The following DDX6 variants were observed in gnomAD, a reference collection of about 807,000 sequenced individuals.
DDX6 encodes the protein probable ATP-dependent RNA helicase DDX6.
In DDX6, 7 loss-of-function variants were observed where a neutral mutation model predicts 60.6. The observed-to-expected ratio is 0.12, with a 90% CI of 0.07 to 0.22. DDX6 has a LOEUF of 0.22. Among genes scored for constraint, DDX6 ranks in the 10% least tolerant of loss-of-function variants. DDX6 has a pLI of 1.00. For missense variants in DDX6, 270 were observed against 589.9 expected (o/e 0.46, Z 5.62); for synonymous variants, 207 against 201.0 (o/e 1.03, Z -0.25).
chr11:118,756,366 C>G, intron 10 of DDX6, 43 bp from the exon 11 acceptor site: 10 of 1,464,722 alleles, frequency 6.8e-6, no homozygotes, highest in Non-Finnish European at 9.6e-6. Flanking sequence ...CACTCATATA[C>G]AGCCCCAAAT....
upstream of DDX6, chr11:118,791,260 A>G (rs1487895184): frequency 6.6e-6 from 1 of 151,934 alleles, no homozygotes; most frequent in African/African-American, 2.4e-5. Flanking sequence ...CCTCCACTCA[A>G]GATGGCGAAA....
intron 4 of DDX6, among the ~76,000 whole-genome samples, chr11:118,769,711 A>AT (rs1241104844): frequency 0.025 from 3,652 of 148,766 alleles, 137 homozygotes; most frequent in African/African-American, 0.083. Flanking sequence ...ATTATGTGGA[A>AT]TTTTTTTTTT....
chr11:118,790,169 GGAGA>G (rs1218265356), intron 1 of DDX6: 1 of 152,128 alleles, frequency 6.6e-6, no homozygotes, highest in East Asian at 1.9e-4. Flanking sequence ...GGAAGAGAAA[GGAGA>G]GAGATACGGG....
intron 11 of DDX6, 103 bp downstream of exon 11, chr11:118,756,157 T>G (rs1591885091): frequency 2.5e-6 from 2 of 790,140 alleles, no homozygotes; most frequent in Non-Finnish European, 4.2e-6. Context: ...AGTGGTAGGG[T>G]GTGTCGGACT....
At chr11:118,759,103 A>G in intron 8 of DDX6, 1 of 589,424 alleles carries the variant, frequency 1.7e-6, no homozygotes, top group South Asian at 2.1e-5. Context: ...TCTGTCACCC[A>G]GGCTGGAGTG....
chr11:118,753,324 C>A (rs1250622112), intron 13 of DDX6, among the ~76,000 whole-genome samples: 1 of 148,086 alleles, frequency 6.8e-6, no homozygotes, highest in Non-Finnish European at 1.5e-5. Flanking sequence ...GCCACTGAGC[C>A]AGCCCAAGTG....
At chr11:118,780,848 G>A (rs537299944) in intron 3 of DDX6, among the ~76,000 whole-genome samples, 95 of 152,222 alleles carry the variant, frequency 6.2e-4, no homozygotes, top group Admixed American at 7.2e-4. Flanking sequence ...TTGATGATAA[G>A]CAAAAATGTT....
chr11:118,764,828 A>G (rs1283450999), intron 6 of DDX6, among the ~76,000 whole-genome samples: 1 of 150,076 alleles, frequency 6.7e-6, no homozygotes, highest in Non-Finnish European at 1.5e-5. Flanking sequence ...ATATACACAC[A>G]CACACACACA....
Position 118,748,201 on chromosome 11 carries a change from C to T in DDX6, c.*3904G>A, listed in dbSNP as rs1206091903. On this transcript the variant is annotated 3_prime_UTR_variant, in exon 14 of 14. Coordinates refer to ENST00000534980, the MANE Select transcript of DDX6 (RefSeq NM_004397.6). The stretch of plus-strand genomic sequence containing the variant: ...TACCCCCTCCCTTACCCAGCATTGT[C>T]TACTGGAGAATTTAAATACACTTCT... 1.3e-5 allele frequency: 2 copies of T among 152,100 alleles called. No individual in the cohort carries two copies. Among genetic ancestry groups the T allele is most frequent in the African/African-American group, 4.8e-5 (2 of 41,418 alleles). The allele number at this position is 152,100 out of a possible 1,614,324, so 9.4% of individuals were successfully genotyped here. A position where few individuals can be genotyped will look rare whatever the true frequency, so the allele number is the denominator to read the frequency against.
intron 1 of DDX6, chr11:118,787,610 A>G (rs1230768129): frequency 6.6e-6 from 1 of 152,256 alleles, no homozygotes; most frequent in African/African-American, 2.4e-5. Flanking sequence ...GGCTGCAGTG[A>G]GCCAGGTGAC....
At chr11:118,790,984 GC>G (rs1862258548) in intron 1 of DDX6, 113 bp downstream of exon 1, 1 of 42,962 alleles carries the variant, frequency 2.3e-5, no homozygotes, top group South Asian at 6.7e-4. Context: ...ACCTCCGCCC[GC>G]CCCCACCCAG....
At chr11:118,755,053 A>T (rs1270373574) in intron 12 of DDX6, among the ~76,000 whole-genome samples, 166 bp from the exon 13 acceptor site, 1 of 152,166 alleles carries the variant, frequency 6.6e-6, no homozygotes, top group Non-Finnish European at 1.5e-5. Flanking sequence ...GTTTCCCTAC[A>T]ACTTCAGGTT....
At position 118,747,904 on chromosome 11, in the gene DDX6, C is replaced by CA. The variant is rs1860613907; in HGVS notation, c.*4200_*4201insT. On this transcript the variant is annotated 3_prime_UTR_variant, in exon 14 of 14. Transcript: ENST00000534980. ...AACACATCCCAACAAAAACAGAGCC[C>CA]CCCCCCCCCCCACTGGAACATCTGC... The CA allele has an allele frequency of 6.4e-5, 1 of 15,690 alleles. No individual in the cohort carries two copies. 1.0% of individuals were successfully genotyped at this position (15,690 alleles called of 1,614,324 possible).
At chr11:118,769,403 C>T (rs1461101749) in intron 4 of DDX6, among the ~76,000 whole-genome samples, 5 of 152,168 alleles carry the variant, frequency 3.3e-5, no homozygotes, top group African/African-American at 9.7e-5. Flanking sequence ...ACCTCAAATA[C>T]GGTCACATCA....
intron 2 of DDX6, among the ~76,000 whole-genome samples, chr11:118,784,742 C>T (rs1862017217): frequency 6.6e-6 from 1 of 150,540 alleles, no homozygotes; most frequent in South Asian, 2.1e-4. Context: ...AAGGCGTGAG[C>T]TACCGCACCT....
chr11:118,768,112 T>C (rs1044951515), intron 5 of DDX6, 111 bp downstream of exon 5: 39 of 1,065,096 alleles, frequency 3.7e-5, no homozygotes, highest in Non-Finnish European at 4.2e-5. Flanking sequence ...AAAGAAAGAA[T>C]ACAAATTTTA....
chr11:118,755,574 T>C, intron 11 of DDX6, 71 bp from the exon 12 acceptor site: 1 of 825,154 alleles, frequency 1.2e-6, no homozygotes, highest in East Asian at 2.5e-5. Flanking sequence ...TAACACATAT[T>C]TCTAGCATAA....
intron 4 of DDX6, among the ~76,000 whole-genome samples, chr11:118,768,756 T>C (rs1555161794): frequency 6.6e-6 from 1 of 152,006 alleles, no homozygotes. Flanking sequence ...ATGCCTGTAG[T>C]CCCAGCACAC....
At chr11:118,776,239 A>G (rs1418505468) in intron 4 of DDX6, among the ~76,000 whole-genome samples, 1 of 152,210 alleles carries the variant, frequency 6.6e-6, no homozygotes, top group Non-Finnish European at 1.5e-5. Context: ...TTGAGCATTT[A>G]TCACGTACTA....
Sources: allele counts gnomAD v4.1 joint callset (sites outside exome capture counted in the v4.1 genomes callset), GRCh38; gene constraint gnomAD v4.1.1; transcripts MANE v1.5; gene names NCBI Gene and HGNC (gene_info 2026-07-23, HGNC 2026-07-21).